The following DNM3 variants were observed in gnomAD, a reference collection of about 807,000 sequenced individuals.
DNM3 encodes dynamin 3, also known as dynamin-3.
A neutral mutation model predicts 101.6 loss-of-function variants in DNM3; 47 were observed. The ratio of observed to expected loss-of-function variants is 0.46; its 90% confidence interval spans 0.37 to 0.59. DNM3 has a LOEUF of 0.59. Ranked by LOEUF, DNM3 falls within the 20% of genes least tolerant of loss-of-function variation. The probability of loss-of-function intolerance (pLI) is 0.00; values close to 1 mark genes in which losing one functional copy is unlikely to be tolerated. For synonymous variants in DNM3, 385 were observed against 387.9 expected (o/e 0.99, Z 0.09); for missense variants, 849 against 1,085.7 (o/e 0.78, Z 3.06).
rs2061880285 is a variant in DNM3 at position 172,244,648 on chromosome 1, C to T, written c.1660-8925C>T. Among the ~76,000 whole-genome samples, 5 of 152,158 alleles carry T rather than the reference C, an allele frequency of 3.3e-5. No homozygotes were observed. The South Asian group carries it at 1.0e-3, about 31-fold the overall frequency. The stretch of plus-strand genomic sequence containing the variant: ...ATCAGAGAAATGCAAATCAAAACCA[C>T]AACGAGATACCATCTCACACCAGTT... On this transcript the variant is annotated intron_variant, in intron 14 of 20. Coordinates refer to ENST00000627582, the MANE Select transcript of DNM3 (RefSeq NM_015569.5).
At chr1:172,254,047 T>C (rs964671628) in intron 15 of DNM3, among the ~76,000 whole-genome samples, 1 of 152,094 alleles carries the variant, frequency 6.6e-6, no homozygotes, top group Non-Finnish European at 1.5e-5. Flanking sequence ...GCTCAAGCAA[T>C]ACTCCTACCT....
chr1:171,892,669 C>T (rs2037394806), intron 1 of DNM3, among the ~76,000 whole-genome samples: 1 of 152,194 alleles, frequency 6.6e-6, no homozygotes, highest in African/African-American at 2.4e-5. Context: ...CTGGTATCCC[C>T]AGAGGCAAGA....
At chr1:172,265,756 A>G (rs2062835473) in intron 15 of DNM3, among the ~76,000 whole-genome samples, 1 of 152,144 alleles carries the variant, frequency 6.6e-6, no homozygotes, top group African/African-American at 2.4e-5. Flanking sequence ...GCAGGCGTTC[A>G]GTTTTAAGGT....
At chr1:171,992,161 T>C (rs772043076) in intron 4 of DNM3, among the ~76,000 whole-genome samples, 24 of 152,194 alleles carry the variant, frequency 1.6e-4, no homozygotes, top group Admixed American at 2.0e-4. Context: ...AAGTGATTTC[T>C]TAAAATTGGT....
intron 7 of DNM3, among the ~76,000 whole-genome samples, chr1:172,039,700 G>A (rs2049231456): frequency 6.6e-6 from 1 of 151,958 alleles, no homozygotes; most frequent in African/African-American, 2.4e-5. Context: ...TTTGCAGAGG[G>A]CTGATTCAGC....
intron 15 of DNM3, among the ~76,000 whole-genome samples, chr1:172,256,259 C>T (rs988854718): frequency 6.6e-6 from 1 of 151,998 alleles, no homozygotes; most frequent in Non-Finnish European, 1.5e-5. Context: ...TTCTTTGGAA[C>T]CCTTCATAAA....
chr1:172,213,188 T>G (rs533721923), intron 14 of DNM3, among the ~76,000 whole-genome samples: 1 of 152,244 alleles, frequency 6.6e-6, no homozygotes, highest in Non-Finnish European at 1.5e-5. Context: ...GGGCCACAGC[T>G]GATTTTTAGA....
At chr1:172,258,310 T>G (rs1462753393) in intron 15 of DNM3, among the ~76,000 whole-genome samples, 2 of 152,070 alleles carry the variant, frequency 1.3e-5, no homozygotes, top group African/African-American at 4.8e-5. Flanking sequence ...AGTAACGAAG[T>G]AGTTCTAGTT....
At chr1:172,315,026 A>T (rs1454585834) in intron 16 of DNM3, among the ~76,000 whole-genome samples, 1 of 152,040 alleles carries the variant, frequency 6.6e-6, no homozygotes, top group Non-Finnish European at 1.5e-5. Flanking sequence ...ACGGCCGGGT[A>T]CTCCTCTGAG....
chr1:172,101,243 A>T (rs561704718), intron 13 of DNM3, among the ~76,000 whole-genome samples: 1 of 152,212 alleles, frequency 6.6e-6, no homozygotes. Context: ...AAGGAATATG[A>T]GATGGTTAAT....
chr1:171,952,857 C>T (rs12058617), intron 2 of DNM3, among the ~76,000 whole-genome samples: 4,234 of 152,164 alleles, frequency 0.028, 201 homozygotes, highest in African/African-American at 0.095. Context: ...GTTTAAATAA[C>T]TATTTTCTCT....
At chr1:172,065,495 A>G (rs1488996179) in intron 10 of DNM3, among the ~76,000 whole-genome samples, 2 of 152,128 alleles carry the variant, frequency 1.3e-5, no homozygotes, top group Non-Finnish European at 2.9e-5. Context: ...TATCTCTTCC[A>G]CTCTGAAGGC....
intron 14 of DNM3, among the ~76,000 whole-genome samples, chr1:172,167,658 T>A (rs1408332097): frequency 6.6e-6 from 1 of 152,072 alleles, no homozygotes; most frequent in Non-Finnish European, 1.5e-5. Context: ...ATTAAAGCAT[T>A]GCATTCTTAA....
intron 2 of DNM3, among the ~76,000 whole-genome samples, chr1:171,976,793 C>G (rs1292052829): frequency 6.6e-6 from 1 of 152,112 alleles, no homozygotes; most frequent in Non-Finnish European, 1.5e-5. Context: ...TATTGTAGCT[C>G]TGATATTTTC....
At chr1:172,387,592 G>A (rs1410745465) in intron 19 of DNM3, among the ~76,000 whole-genome samples, 1 of 151,754 alleles carries the variant, frequency 6.6e-6, no homozygotes, top group Non-Finnish European at 1.5e-5. Flanking sequence ...CCGGGAGGCA[G>A]AGCTTGCAGT....
chr1:172,115,511 G>A (rs2055826159), intron 13 of DNM3, among the ~76,000 whole-genome samples: 1 of 152,008 alleles, frequency 6.6e-6, no homozygotes, highest in South Asian at 2.1e-4. Context: ...AAATCTAAAG[G>A]TCTCCAATGA....
At chr1:172,175,318 T>A (rs1164296971) in intron 14 of DNM3, among the ~76,000 whole-genome samples, 2 of 151,856 alleles carry the variant, frequency 1.3e-5, no homozygotes, top group Non-Finnish European at 2.9e-5. Flanking sequence ...TCTTCTTTAA[T>A]TTTTACAAGT....
chr1:171,849,328 A>T (rs982204991), intron 1 of DNM3, among the ~76,000 whole-genome samples: 1 of 152,294 alleles, frequency 6.6e-6, no homozygotes, highest in Admixed American at 6.5e-5. Context: ...CAGTTCCTTC[A>T]TCTGCAAAAT....
chr1:172,178,034 A>G (rs778736938), intron 14 of DNM3, among the ~76,000 whole-genome samples: 7 of 151,936 alleles, frequency 4.6e-5, no homozygotes, highest in Admixed American at 6.6e-5. Context: ...AGCCCACTAC[A>G]TGCCTAGGCT....
Sources: allele counts gnomAD v4.1 joint callset (sites outside exome capture counted in the v4.1 genomes callset), GRCh38; gene constraint gnomAD v4.1.1; transcripts MANE v1.5; gene names NCBI Gene and HGNC (gene_info 2026-07-23, HGNC 2026-07-21).